The following TMEM161A variants were observed in gnomAD, a reference collection of about 807,000 sequenced individuals.
The protein encoded by TMEM161A is adaptive response to oxidative stress protein 29.
Under a neutral mutation model 57.1 loss-of-function variants are expected in TMEM161A, and 46 were observed. That is an observed-to-expected ratio of 0.81 (90% CI 0.64 to 1.03). The LOEUF is 1.03. TMEM161A is among the 50% of genes least tolerant of loss of function. The pLI is 0.00. For missense variants in TMEM161A, 601 were observed against 621.5 expected (o/e 0.97, Z 0.35); for synonymous variants, 288 against 279.0 (o/e 1.03, Z -0.32).
intron 2 of TMEM161A, among the ~76,000 whole-genome samples, chr19:19,134,069 G>A (rs79564033): frequency 9.3e-6 from 1 of 107,920 alleles, no homozygotes; most frequent in African/African-American, 3.4e-5. Context: ...TTTTTTTTTT[G>A]CCTTTGTTTT....
chr19:19,120,101 C>T lies in TMEM161A; in HGVS notation c.1269G>A (p.Gly423=), dbSNP rs1485194460. The T allele has an allele frequency of 6.3e-7, 1 of 1,577,560 alleles. No individual in the cohort carries two copies. Among genetic ancestry groups the T allele is most frequent in the South Asian group, 1.2e-5 (1 of 86,224 alleles). ...CTGCAGTCTGCTGGACTTCGTCCTCCCCAGAGCCGATGGGGGCAGCGCTGG... is the reference window on the plus strand; with the variant it reads ...CTGCAGTCTGCTGGACTTCGTCCTCTCCAGAGCCGATGGGGGCAGCGCTGG... ...SSASAAPIGS[G]EDEVQQTAAR... Residue 423 remains glycine, a synonymous_variant, in exon 12 of 12, where the codon GGG becomes GGA. Transcript: ENST00000162044.
chr19:19,136,153 C>T (rs1345274620), intron 1 of TMEM161A, among the ~76,000 whole-genome samples: 3 of 152,166 alleles, frequency 2.0e-5, no homozygotes, highest in Admixed American at 2.0e-4. Context: ...AGTAAATACC[C>T]ATTTGCTGCC....
intron 2 of TMEM161A, 110 bp downstream of exon 2, chr19:19,134,674 C>T (rs1281526981): frequency 4.0e-6 from 3 of 744,366 alleles, no homozygotes; most frequent in Non-Finnish European, 6.6e-6. Context: ...GTTTTTCCCC[C>T]CACCACCCAC....
At chr19:19,137,446 G>T (rs2059989820) in intron 1 of TMEM161A, among the ~76,000 whole-genome samples, 1 of 152,218 alleles carries the variant, frequency 6.6e-6, no homozygotes, top group Non-Finnish European at 1.5e-5. Flanking sequence ...CCAGCCTCCT[G>T]TCTCAGGGTC....
chr19:19,136,529 G>A (rs1029638580), intron 1 of TMEM161A, among the ~76,000 whole-genome samples: 5 of 152,098 alleles, frequency 3.3e-5, no homozygotes, highest in East Asian at 3.9e-4. Context: ...GGTGGTGGGC[G>A]CCTGTAATCC....
chr19:19,134,240 G>C (rs2059974112), intron 2 of TMEM161A, among the ~76,000 whole-genome samples: 1 of 152,154 alleles, frequency 6.6e-6, no homozygotes, highest in Non-Finnish European at 1.5e-5. Flanking sequence ...TGAGGGACGT[G>C]GGGAGTGTGG....
intron 1 of TMEM161A, among the ~76,000 whole-genome samples, chr19:19,135,924 C>A (rs899582416): frequency 2.0e-5 from 3 of 151,718 alleles, no homozygotes; most frequent in Non-Finnish European, 4.4e-5. Context: ...GTTGTCCAGG[C>A]TGGTCTCAAA....
chr19:19,138,476 G>C lies in TMEM161A; in HGVS notation c.-48C>G. 6.3e-7 allele frequency: 1 copy of C among 1,576,292 alleles called. No homozygotes were observed. The highest frequency in any genetic ancestry group is 8.6e-7 in the Non-Finnish European group (1 of 1,162,354). ...ACTCACCCACCGGCCTAGGGCTCCG[G>C]GCACTCTGCGGAAACTCGACCAATT... is the stretch of plus-strand genomic sequence containing the variant. On this transcript the variant is annotated 5_prime_UTR_variant, in exon 1 of 12. Transcript: ENST00000162044.
intron 6 of TMEM161A, among the ~76,000 whole-genome samples, chr19:19,129,905 CA>C (rs370445317): frequency 1.2e-4 from 17 of 136,032 alleles, no homozygotes; most frequent in East Asian, 2.1e-4. Flanking sequence ...AACTCCATCT[CA>C]AAAAAAAAAG....
At chr19:19,129,676 G>A (rs1163115898) in intron 6 of TMEM161A, among the ~76,000 whole-genome samples, 1 of 152,166 alleles carries the variant, frequency 6.6e-6, no homozygotes, top group Admixed American at 6.6e-5. Flanking sequence ...GGGAGGCTGA[G>A]GTGGGTGGAT....
Position 19,121,202 on chromosome 19 carries a change from G to A in TMEM161A, c.915-36C>T, listed in dbSNP as rs961033263. 1.3e-6 allele frequency: 2 copies of A among 1,562,912 alleles called. No individual in the cohort carries two copies. The highest frequency in any genetic ancestry group is 1.7e-6 in the Non-Finnish European group (2 of 1,153,470). ...AGGGCCGGGGGCAAGGGACTAAGAA[G>A]GTCGCCCCCGACCCCCCAGGATCTT... On this transcript the variant is annotated intron_variant, in intron 9 of 11. Transcript: ENST00000162044. This position sits in a 1 kb window ranked among gnomAD's most constrained non-coding sequence, Gnocchi z 5.8.
chr19:19,120,203 CG>C lies in TMEM161A; in HGVS notation c.1187-21del, dbSNP rs1568532214. The C allele has an allele frequency of 6.6e-7, 1 of 1,520,880 alleles. No homozygotes were observed. Among genetic ancestry groups the C allele is most frequent in the East Asian group, 2.4e-5 (1 of 41,282 alleles). The allele number at this position is 1,520,880 out of a possible 1,614,324, so 94.2% of individuals were successfully genotyped here. On this transcript the variant is annotated intron_variant, in intron 11 of 11. Coordinates refer to ENST00000162044, the MANE Select transcript of TMEM161A (RefSeq NM_017814.3). ...AGCCTCCTAGGAGAAGAGGATGAAGCGAGGTATGAGTGGAAAAATGGGGGAG... is the reference window on the plus strand; with the variant it reads ...AGCCTCCTAGGAGAAGAGGATGAAGCAGGTATGAGTGGAAAAATGGGGGAG...
chr19:19,136,485 G>T (rs895509758), intron 1 of TMEM161A, among the ~76,000 whole-genome samples: 1 of 151,726 alleles, frequency 6.6e-6, no homozygotes, highest in African/African-American at 2.4e-5. Flanking sequence ...ATGAAACCTT[G>T]TCTCTACTAA....
chr19:19,121,138 G>GC lies in TMEM161A; in HGVS notation c.942dup (p.Arg315AlafsTer45). On this transcript the variant is annotated frameshift_variant, in exon 10 of 12. Coordinates refer to ENST00000162044, the MANE Select transcript of TMEM161A (RefSeq NM_017814.3). LOFTEE classifies it high-confidence loss of function. This position sits in a 1 kb window ranked among gnomAD's most constrained non-coding sequence, Gnocchi z 5.8. ...CACAGCACCACCAGCAACCAGAGGC[G>GC]CCCAGAGTCGAAGGCAGAATCGGAC... 6.8e-6 allele frequency: 11 copies of GC among 1,609,492 alleles called. No homozygotes were observed. Among genetic ancestry groups the GC allele is most frequent in the Non-Finnish European group, 9.3e-6 (11 of 1,178,256 alleles).
intron 1 of TMEM161A, among the ~76,000 whole-genome samples, chr19:19,137,386 A>G (rs927044369): frequency 2.0e-5 from 3 of 151,794 alleles, no homozygotes; most frequent in African/African-American, 7.3e-5. Flanking sequence ...CTCTCCACCT[A>G]AGGCTCCCAG....
At chr19:19,124,054 CAA>C (rs543778130) in intron 6 of TMEM161A, among the ~76,000 whole-genome samples, 4 of 132,164 alleles carry the variant, frequency 3.0e-5, no homozygotes, top group Admixed American at 7.6e-5. Flanking sequence ...AACTCTGTCT[CAA>C]AAAAAAAAAA....
At position 19,130,460 on chromosome 19, in the gene TMEM161A, G is replaced by A. The variant is rs1176760997; in HGVS notation, c.444-153C>T. 9 of 872,536 alleles carry A rather than the reference G, an allele frequency of 1.0e-5. No individual in the cohort carries two copies. In the East Asian group the frequency reaches 2.4e-4, roughly 23 times the overall value. The allele number at this position is 872,536 out of a possible 1,614,324, so 54.0% of individuals were successfully genotyped here. ...TAGAGGAGTTCGGTTTTGGGGTGCT[G>A]GATCTCAGATCAGGATGTGGGCTGG... On this transcript the variant is annotated intron_variant, in intron 5 of 11. Coordinates refer to ENST00000162044, the MANE Select transcript of TMEM161A (RefSeq NM_017814.3).
intron 6 of TMEM161A, among the ~76,000 whole-genome samples, chr19:19,124,546 A>T (rs114238861): frequency 0.011 from 1,654 of 152,360 alleles, 34 homozygotes; most frequent in African/African-American, 0.038. Flanking sequence ...TGTTTGAAAA[A>T]TTTAAAAATA....
intron 6 of TMEM161A, among the ~76,000 whole-genome samples, chr19:19,122,287 T>A (rs2059914745): frequency 6.6e-6 from 1 of 151,672 alleles, no homozygotes; most frequent in Admixed American, 6.6e-5. Flanking sequence ...AGAGTGAAAC[T>A]CAGTCTCAAA....
Sources: gnomAD v4.1 joint callset for allele counts (sites outside exome capture counted in the v4.1 genomes callset) on GRCh38, gnomAD v4.1.1 for gene constraint, Gnocchi (gnomAD v3.1) non-coding constraint, MANE v1.5 for transcripts, NCBI Gene and HGNC (gene_info 2026-07-23, HGNC 2026-07-21) for gene names.